The following ARMC8 variants were observed in gnomAD, a reference collection of about 807,000 sequenced individuals.
The protein encoded by ARMC8 is armadillo repeat-containing protein 8.
In ARMC8, 20 loss-of-function variants were observed where a neutral mutation model predicts 99.3. That is an observed-to-expected ratio of 0.20 (90% CI 0.14 to 0.29). ARMC8 has a LOEUF of 0.29. ARMC8 is among the 10% of genes least tolerant of loss of function. The probability of loss-of-function intolerance (pLI) is 1.00; values close to 1 mark genes in which losing one functional copy is unlikely to be tolerated. For missense variants in ARMC8, 569 were observed against 809.5 expected (o/e 0.70, Z 3.60); for synonymous variants, 263 against 278.3 (o/e 0.95, Z 0.55).
rs547423265 is a variant in ARMC8, at chr3:138,220,427, A to G, written c.123-1499A>G. ...ACAGAGGGATAGGTCAGGCCTGGAAAAAAAGCCCTACCCTCAGGCACTGAG... is the reference window on the plus strand; with the variant it reads ...ACAGAGGGATAGGTCAGGCCTGGAAGAAAAGCCCTACCCTCAGGCACTGAG... On this transcript the variant is annotated intron_variant, in intron 2 of 21. Transcript: ENST00000469044. 3.3e-5 allele frequency among the ~76,000 whole-genome samples: 5 copies of G among 152,292 alleles called. No individual in the cohort carries two copies. The South Asian group carries it at 8.3e-4, about 25-fold the overall frequency.
chr3:138,223,243 G>T, intron 3 of ARMC8, 146 bp from the exon 4 acceptor site: 4 of 649,840 alleles, frequency 6.2e-6, no homozygotes, highest in Admixed American at 3.2e-5. Flanking sequence ...TCTTTAATTA[G>T]CAGATGAGAT....
chr3:138,207,468 C>A (rs2044434610), intron 1 of ARMC8, among the ~76,000 whole-genome samples: 1 of 152,120 alleles, frequency 6.6e-6, no homozygotes, highest in South Asian at 2.1e-4. Context: ...ATGGGGGAAA[C>A]TTATGTTAAG....
intron 5 of ARMC8, among the ~76,000 whole-genome samples, chr3:138,224,468 C>T (rs575393233): frequency 1.1e-4 from 16 of 152,142 alleles, no homozygotes; most frequent in Admixed American, 7.9e-4. Flanking sequence ...TAAAAGTCTC[C>T]GCTGGGTACA....
chr3:138,267,401 A>G (rs376958985), intron 15 of ARMC8, among the ~76,000 whole-genome samples, 160 bp downstream of exon 15: 2 of 152,234 alleles, frequency 1.3e-5, no homozygotes, highest in East Asian at 3.8e-4. Flanking sequence ...TAAATCATTC[A>G]TTTTAAAGTA....
intron 12 of ARMC8, among the ~76,000 whole-genome samples, chr3:138,254,444 G>C (rs1257766481): frequency 6.6e-6 from 1 of 152,164 alleles, no homozygotes; most frequent in Non-Finnish European, 1.5e-5. Flanking sequence ...GGGCTGAACA[G>C]GCATTGTGTT....
At chr3:138,258,921 A>G (rs1316976651) in intron 12 of ARMC8, among the ~76,000 whole-genome samples, 1 of 152,218 alleles carries the variant, frequency 6.6e-6, no homozygotes, top group African/African-American at 2.4e-5. Flanking sequence ...TGTCTGTGTA[A>G]CAGAGGGCAC....
At chr3:138,214,742 TGCTTCCTGGGTTCAAGCAATTCTGCCTCA>T in intron 2 of ARMC8, among the ~76,000 whole-genome samples, 1 of 152,324 alleles carries the variant, frequency 6.6e-6, no homozygotes, top group South Asian at 2.1e-4. Context: ...CTGCAACCTC[TGCTTCCTGGGTTCAAGCAATTCTGCCTCA>T]GCTTCCTGAG....
At chr3:138,260,736 G>A (rs1180240648) in intron 12 of ARMC8, among the ~76,000 whole-genome samples, 2 of 152,194 alleles carry the variant, frequency 1.3e-5, no homozygotes, top group Non-Finnish European at 2.9e-5. Context: ...TTGATTGAAT[G>A]TAGCCAGGAA....
chr3:138,188,681 A>G (rs2043210486), intron 1 of ARMC8: 4 of 1,015,400 alleles, frequency 3.9e-6, no homozygotes, highest in South Asian at 2.8e-5. Flanking sequence ...TGTAACTACA[A>G]CCGGTTTCTT....
intron 7 of ARMC8, among the ~76,000 whole-genome samples, chr3:138,235,449 T>A (rs1156339878): frequency 6.6e-6 from 1 of 152,220 alleles, no homozygotes; most frequent in African/African-American, 2.4e-5. Flanking sequence ...AATTTCATAT[T>A]TGAGACCTTT....
chr3:138,210,407 G>A (rs549554618), intron 2 of ARMC8, among the ~76,000 whole-genome samples: 66 of 152,192 alleles, frequency 4.3e-4, no homozygotes, highest in African/African-American at 1.6e-3. Flanking sequence ...TTTAATGAGA[G>A]GAAACATTTT....
chr3:138,224,728 C>T (rs1478811710), intron 5 of ARMC8, among the ~76,000 whole-genome samples: 1 of 152,124 alleles, frequency 6.6e-6, no homozygotes, highest in Non-Finnish European at 1.5e-5. Context: ...CCAGCCTGGG[C>T]GACAGGGCAG....
intron 12 of ARMC8, among the ~76,000 whole-genome samples, chr3:138,252,452 C>CTTTTT (rs1169244202): frequency 1.0e-4 from 13 of 129,210 alleles, no homozygotes; most frequent in African/African-American, 2.7e-4. Flanking sequence ...ACCATAAACT[C>CTTTTT]TTTTTTTTTT....
rs189262900 is a variant in ARMC8 at position 138,211,546 on chromosome 3, A to G, written c.122+1653A>G. On this transcript the variant is annotated intron_variant, in intron 2 of 21. Coordinates refer to ENST00000469044, the MANE Select transcript of ARMC8 (RefSeq NM_001363941.2). ...GACAAAGCAGCTAAAATGTAGTTTGATAGCCTTAGTGTCTTTTGAAAAACT... is the reference window on the plus strand; with the variant it reads ...GACAAAGCAGCTAAAATGTAGTTTGGTAGCCTTAGTGTCTTTTGAAAAACT... 1.8e-3 allele frequency among the ~76,000 whole-genome samples: 268 copies of G among 152,366 alleles called. 1 individual carries two copies. The highest frequency in any genetic ancestry group is 6.3e-3 in the African/African-American group (261 of 41,588).
In ARMC8 at chr3:138,209,889, G is replaced by A. The variant is rs1390695469; in HGVS notation, c.118G>A (p.Val40Ile). ...DPDPQKVLQG[V>I]IDMKNAVIGN... is the part of the protein sequence containing the mutation. ...TGATCCCCAGAAAGTTCTACAAGGT[G>A]TCATGTAAGTAGTATGTATTTAAGA... is the stretch of plus-strand genomic sequence containing the variant. The change falls in exon 2 of 22, where the codon GTC becomes ATC. Residue 40 changes from valine to isoleucine, a missense_variant. Coordinates refer to ENST00000469044, the MANE Select transcript of ARMC8 (RefSeq NM_001363941.2). 1.2e-6 allele frequency: 2 copies of A among 1,611,924 alleles called. No homozygotes were observed. The highest frequency in any genetic ancestry group is 1.7e-6 in the Non-Finnish European group (2 of 1,178,230).
In ARMC8 at chr3:138,221,976, T is replaced by C; in HGVS notation, c.173T>C (p.Ile58Thr). The C allele has an allele frequency of 6.2e-7, 1 of 1,613,570 alleles. No individual in the cohort carries two copies. Among genetic ancestry groups the C allele is most frequent in the Non-Finnish European group, 8.5e-7 (1 of 1,179,608 alleles). Reference sequence around the variant, plus strand: ...AACAACAAGCAGAAAGCCAATCTCATTGTTTTAGGAGCTGTTCCAAGGTAT... The same window carrying C: ...AACAACAAGCAGAAAGCCAATCTCACTGTTTTAGGAGCTGTTCCAAGGTAT... ...IGNNKQKANL[I>T]VLGAVPRLLY... Residue 58 changes from isoleucine to threonine, a missense_variant, in exon 3 of 22, where the codon ATT (isoleucine) becomes ACT (threonine). Physicochemically the swap from Ile to Thr is moderately conservative, Grantham distance 89. Transcript: ENST00000469044.
At chr3:138,225,678 A>G (rs2045656844) in intron 5 of ARMC8, among the ~76,000 whole-genome samples, 2 of 152,174 alleles carry the variant, frequency 1.3e-5, no homozygotes, top group Admixed American at 1.3e-4. Context: ...TTTCTATGCT[A>G]TCATTTTTCA....
chr3:138,224,119 C>T (rs903740141), intron 5 of ARMC8, among the ~76,000 whole-genome samples: 2 of 152,002 alleles, frequency 1.3e-5, no homozygotes, highest in South Asian at 2.1e-4. Flanking sequence ...CCACCACACC[C>T]GGCTAATTTT....
At chr3:138,231,351 G>C (rs2046016914) in intron 6 of ARMC8, among the ~76,000 whole-genome samples, 2 of 151,968 alleles carry the variant, frequency 1.3e-5, no homozygotes, top group South Asian at 4.2e-4. Flanking sequence ...CTCACATTAA[G>C]CTAAGATTAA....
Sources: gnomAD v4.1 joint callset for allele counts (sites outside exome capture counted in the v4.1 genomes callset) on GRCh38, gnomAD v4.1.1 for gene constraint, MANE v1.5 for transcripts, NCBI Gene and HGNC (gene_info 2026-07-23, HGNC 2026-07-21) for gene names.